ZDHHC13: variants seen among roughly 807,000 people sequenced by gnomAD.
The protein encoded by ZDHHC13 is zDHHC palmitoyltransferase 13.
A neutral mutation model predicts 86.0 loss-of-function variants in ZDHHC13; 85 were observed. The observed-to-expected ratio is 0.99, with a 90% CI of 0.83 to 1.18. ZDHHC13 has a LOEUF of 1.18. Ranked by LOEUF, ZDHHC13 falls within the 50% of genes most tolerant of loss-of-function variation. The pLI is 0.00. For synonymous variants in ZDHHC13, 263 were observed against 246.4 expected (o/e 1.07, Z -0.63); for missense variants, 711 against 730.2 (o/e 0.97, Z 0.30).
intron 10 of ZDHHC13, among the ~76,000 whole-genome samples, chr11:19,160,856 G>T (rs1390520375): frequency 6.6e-6 from 1 of 151,854 alleles, no homozygotes; most frequent in Non-Finnish European, 1.5e-5. Flanking sequence ...CTATTCGTTA[G>T]TGGGTCGTGG....
chr11:19,131,120 G>C (rs541367950), intron 1 of ZDHHC13, among the ~76,000 whole-genome samples: 2 of 152,120 alleles, frequency 1.3e-5, no homozygotes, highest in Non-Finnish European at 2.9e-5. Flanking sequence ...CCGGCTTCAC[G>C]CCATTCTCCT....
At chr11:19,167,839 G>T in intron 14 of ZDHHC13, 1 of 151,934 alleles carries the variant, frequency 6.6e-6, no homozygotes, top group South Asian at 2.1e-4. Flanking sequence ...TTTGAGACAG[G>T]GTCTCACTCT....
intron 1 of ZDHHC13, chr11:19,118,602 T>G (rs922024949): frequency 3.3e-5 from 5 of 152,258 alleles, no homozygotes; most frequent in Admixed American, 1.3e-4. Flanking sequence ...AAGGGAAGAT[T>G]AGCCTTGTCC....
chr11:19,168,795 A>G, intron 14 of ZDHHC13: 2 of 985,394 alleles, frequency 2.0e-6, no homozygotes, highest in Non-Finnish European at 1.2e-6. Context: ...CTACTTCTGT[A>G]CAGCCTCCAT....
rs147437886 is a variant in ZDHHC13 at position 19,153,052 on chromosome 11, A to G, written c.873+368A>G. On this transcript the variant is annotated intron_variant, in intron 8 of 16. Transcript: ENST00000446113. ...TTGTAGGAATAGTTTATTCCTTACT[A>G]AAATTTTATTTCTTGAAAAGAAAAT... Among the ~76,000 whole-genome samples, 852 of 152,314 alleles carry G rather than the reference A, an allele frequency of 5.6e-3. 6 individuals carry two copies. Among genetic ancestry groups the G allele is most frequent in the African/African-American group, 0.019 (804 of 41,574 alleles).
intron 1 of ZDHHC13, among the ~76,000 whole-genome samples, chr11:19,119,937 TCTCA>T (rs1848727094): frequency 6.6e-6 from 1 of 152,206 alleles, no homozygotes; most frequent in Admixed American, 6.5e-5. Flanking sequence ...GCTCCTTCTC[TCTCA>T]CTCTCTTTTT....
rs754269951 is a variant in ZDHHC13, at chr11:19,147,584, T to C, written c.297-12T>C. On this transcript the variant is annotated splice_polypyrimidine_tract_variant and intron_variant, in intron 3 of 16. Transcript: ENST00000446113. ...TTCAAATCTTACTTTCATTTGTGTC[T>C]GCTTTTAACAGGTTTTATATTTCAA... 6.3e-7 allele frequency: 1 copy of C among 1,579,238 alleles called. No individual in the cohort carries two copies. Among genetic ancestry groups the C allele is most frequent in the Non-Finnish European group, 8.6e-7 (1 of 1,161,568 alleles).
intron 1 of ZDHHC13, among the ~76,000 whole-genome samples, chr11:19,126,112 T>C (rs1848868686): frequency 6.6e-6 from 1 of 152,324 alleles, no homozygotes; most frequent in African/African-American, 2.4e-5. Context: ...ACTGAAAATT[T>C]TAAAACTTTC....
chr11:19,163,575 T>G, intron 11 of ZDHHC13, 148 bp downstream of exon 11: 2 of 847,246 alleles, frequency 2.4e-6, no homozygotes, highest in Non-Finnish European at 3.2e-6. Flanking sequence ...ACTCTTACAG[T>G]TTTTTCATTT....
chr11:19,161,261 T>C (rs928675068), intron 10 of ZDHHC13, among the ~76,000 whole-genome samples: 1 of 152,048 alleles, frequency 6.6e-6, no homozygotes, highest in Middle Eastern at 3.4e-3. Flanking sequence ...TTTTGAGTTT[T>C]AGCTCTTTTC....
intron 15 of ZDHHC13, among the ~76,000 whole-genome samples, chr11:19,171,150 AT>A (rs1850210652): frequency 6.6e-6 from 1 of 152,214 alleles, no homozygotes. Flanking sequence ...GGTCATAGTA[AT>A]TACATTTTCA....
intron 1 of ZDHHC13, among the ~76,000 whole-genome samples, chr11:19,141,309 G>T (rs920721301): frequency 6.6e-6 from 1 of 152,112 alleles, no homozygotes; most frequent in Non-Finnish European, 1.5e-5. Flanking sequence ...AATGTATTTA[G>T]AATATATGTA....
At chr11:19,160,685 C>T (rs1249841321) in intron 10 of ZDHHC13, among the ~76,000 whole-genome samples, 1 of 151,738 alleles carries the variant, frequency 6.6e-6, no homozygotes, top group Non-Finnish European at 1.5e-5. Flanking sequence ...TGGTTACAAC[C>T]CAAGTAACCC....
At chr11:19,164,573 C>G in intron 12 of ZDHHC13, 1 of 573,198 alleles carries the variant, frequency 1.7e-6, no homozygotes, top group Non-Finnish European at 3.1e-6. Context: ...GGTTACATCT[C>G]TCCGTGAATT....
At chr11:19,123,389 G>A (rs1848797694) in intron 1 of ZDHHC13, among the ~76,000 whole-genome samples, 1 of 152,020 alleles carries the variant, frequency 6.6e-6, no homozygotes, top group Non-Finnish European at 1.5e-5. Flanking sequence ...TGCTTTGGGA[G>A]GCCAAGACGG....
intron 11 of ZDHHC13, among the ~76,000 whole-genome samples, chr11:19,163,862 TG>T (rs1325193064): frequency 6.6e-6 from 1 of 152,196 alleles, no homozygotes; most frequent in African/African-American, 2.4e-5. Context: ...CCGTTGCTCA[TG>T]AATGTTTAGA....
intron 9 of ZDHHC13, among the ~76,000 whole-genome samples, chr11:19,157,097 A>G (rs549476635): frequency 1.8e-3 from 280 of 152,168 alleles, no homozygotes; most frequent in Non-Finnish European, 2.7e-3. Context: ...TTATCTTTTC[A>G]TAGTTGGATA....
chr11:19,136,700 A>G, intron 1 of ZDHHC13, among the ~76,000 whole-genome samples: 1 of 152,172 alleles, frequency 6.6e-6, no homozygotes, highest in Non-Finnish European at 1.5e-5. Flanking sequence ...AGGGAAGCCC[A>G]TCAGACTAAC....
chr11:19,154,965 T>G (rs1849716847), intron 8 of ZDHHC13, among the ~76,000 whole-genome samples: 1 of 152,220 alleles, frequency 6.6e-6, no homozygotes, highest in Admixed American at 6.5e-5. Flanking sequence ...AGACCTACTT[T>G]TGACTGCCAG....
Sources: allele counts gnomAD v4.1 joint callset (sites outside exome capture counted in the v4.1 genomes callset), GRCh38; gene constraint gnomAD v4.1.1; transcripts MANE v1.5; gene names NCBI Gene and HGNC (gene_info 2026-07-23, HGNC 2026-07-21).